Variants in EP400 observed in about 807,000 individuals in gnomAD.
EP400 encodes E1A-binding protein p400.
A neutral mutation model predicts 354.1 loss-of-function variants in EP400; 105 were observed. The ratio of observed to expected loss-of-function variants is 0.30; its 90% CI spans 0.25 to 0.35. EP400 has a LOEUF of 0.35. Among genes scored for constraint, EP400 ranks in the 10% least tolerant of loss-of-function variants. The pLI is 1.00. For missense variants in EP400, 3,280 were observed against 4,121.0 expected (o/e 0.80, Z 5.59); for synonymous variants, 1,646 against 1,716.9 (o/e 0.96, Z 1.02).
intron 32 of EP400, among the ~76,000 whole-genome samples, chr12:132,039,945 C>T (rs947472984): frequency 5.3e-5 from 8 of 152,132 alleles, no homozygotes; most frequent in Non-Finnish European, 7.4e-5. Flanking sequence ...GTGGCTGAGG[C>T]GGGAGGATCA....
chr12:132,006,398 G>A, intron 14 of EP400, 96 bp downstream of exon 14: 1 of 1,397,492 alleles, frequency 7.2e-7, no homozygotes, highest in Non-Finnish European at 9.6e-7. Context: ...CAGTGAAATG[G>A]TCTATCCCAA....
chr12:132,023,449 C>T (rs555202100), intron 23 of EP400, among the ~76,000 whole-genome samples: 2 of 151,896 alleles, frequency 1.3e-5, no homozygotes, highest in East Asian at 3.9e-4. Flanking sequence ...TGCCACTGCA[C>T]CCAGCTGATT....
Position 131,961,855 on chromosome 12 carries a change from C to A in EP400, c.1236C>A (p.Ala412=), listed in dbSNP as rs997441186. The A allele has an allele frequency of 6.2e-7, 1 of 1,613,842 alleles. No homozygotes were observed. The highest frequency in any genetic ancestry group is 1.3e-5 in the African/African-American group (1 of 74,820). The change falls in exon 2 of 53, where the codon GCC becomes GCA. Residue 412 remains alanine, a synonymous_variant. Coordinates refer to ENST00000389561, the MANE Select transcript of EP400 (RefSeq NM_015409.5). The stretch of plus-strand genomic sequence containing the variant: ...TAGCTTTCAAGAAGAAACATTATGC[C>A]CCATTACAAGCATATCTTAGGCAGA... ...DFLAFKKKHY[A]PLQAYLRQND... is the part of the protein sequence containing the mutation.
At chr12:132,071,741 A>G (rs1480393004) in intron 51 of EP400, among the ~76,000 whole-genome samples, 1 of 151,810 alleles carries the variant, frequency 6.6e-6, no homozygotes. Context: ...TGGCCTGTGC[A>G]CCCCTCTGCA....
chr12:132,028,349 C>G (rs914594651), intron 27 of EP400, 61 bp downstream of exon 27: 1 of 1,580,040 alleles, frequency 6.3e-7, no homozygotes, highest in African/African-American at 1.3e-5. Flanking sequence ...CGGCAAGACC[C>G]CTTCTTGTCT....
rs1896031391 is a variant in EP400 at position 132,070,359 on chromosome 12, A to G, written c.9021+718A>G. Among the ~76,000 whole-genome samples, 1 of 152,192 alleles carries G rather than the reference A, an allele frequency of 6.6e-6. No individual in the cohort carries two copies. Among genetic ancestry groups the G allele is most frequent in the Non-Finnish European group, 1.5e-5 (1 of 68,036 alleles). The stretch of plus-strand genomic sequence containing the variant: ...CCCTATTTTCAGCCCCATTTATTTA[A>G]AAGCCCAATTCTGTCATCCATCGAT... On this transcript the variant is annotated intron_variant, in intron 51 of 52. Coordinates refer to ENST00000389561, the MANE Select transcript of EP400 (RefSeq NM_015409.5). The surrounding 1 kb of genome is among the most constrained non-coding windows in gnomAD (Gnocchi z 4.1).
In EP400 at chr12:132,075,364, T is replaced by A. The variant is rs1004181506; in HGVS notation, c.9022-1152T>A. ...AGCTTTTCTGCTCCGTGACTCGTGA[T>A]GCCCGCCTGTGCTTAGGTTTGGAGA... On this transcript the variant is annotated intron_variant, in intron 51 of 52. Coordinates refer to ENST00000389561, the MANE Select transcript of EP400 (RefSeq NM_015409.5). The surrounding 1 kb of genome is among the most constrained non-coding windows in gnomAD (Gnocchi z 4.5). Among the ~76,000 whole-genome samples the A allele has an allele frequency of 6.6e-6, 1 of 152,200 alleles. No individual in the cohort carries two copies. The highest frequency in any genetic ancestry group is 1.5e-5 in the Non-Finnish European group (1 of 68,038).
intron 51 of EP400, chr12:132,076,215 A>G: frequency 2.2e-6 from 1 of 454,034 alleles, no homozygotes; most frequent in South Asian, 2.0e-5. Flanking sequence ...CCTCAGTCTG[A>G]TTCTTTCATA....
rs1251784614 is a variant in EP400, at chr12:132,070,742, A to T, written c.9021+1101A>T. On this transcript the variant is annotated intron_variant, in intron 51 of 52. Transcript: ENST00000389561. This position sits in a 1 kb window ranked among gnomAD's most constrained non-coding sequence, Gnocchi z 4.1. Reference sequence around the variant, plus strand: ...ACTTAAGTCTTTTTTAATGCCTTTTAATGAAGTTTTCTAATATTTTGTGAA... The same window carrying T: ...ACTTAAGTCTTTTTTAATGCCTTTTTATGAAGTTTTCTAATATTTTGTGAA... 6.6e-6 allele frequency among the ~76,000 whole-genome samples: 1 copy of T among 152,176 alleles called. No homozygotes were observed. Among genetic ancestry groups the T allele is most frequent in the Non-Finnish European group, 1.5e-5 (1 of 68,016 alleles).
chr12:132,045,020 C>T (rs1895039634), intron 37 of EP400, 67 bp downstream of exon 37: 2 of 1,585,918 alleles, frequency 1.3e-6, no homozygotes, highest in Non-Finnish European at 8.6e-7. Context: ...GCATGTCAGC[C>T]ACTTTCTGCT....
chr12:131,977,690 C>G (rs1892531855), intron 2 of EP400, among the ~76,000 whole-genome samples: 1 of 152,150 alleles, frequency 6.6e-6, no homozygotes. Context: ...TTTCCTCCCT[C>G]TCTTTGTCCA....
rs1896025281 is a variant in EP400, at chr12:132,070,091, A to G, written c.9021+450A>G. ...GTCTTCCTCTCTGCCTAGAGCTTTT[A>G]TGTCCTGCTTCCTCCCAGAGCTTAT... On this transcript the variant is annotated intron_variant, in intron 51 of 52. Coordinates refer to ENST00000389561, the MANE Select transcript of EP400 (RefSeq NM_015409.5). The surrounding 1 kb of genome is among the most constrained non-coding windows in gnomAD (Gnocchi z 4.1). Among the ~76,000 whole-genome samples, 1 of 151,972 alleles carries G rather than the reference A, an allele frequency of 6.6e-6. No individual in the cohort carries two copies. Among genetic ancestry groups the G allele is most frequent in the Non-Finnish European group, 1.5e-5 (1 of 68,010 alleles).
In EP400 at chr12:132,017,609, A is replaced by G. The variant is rs535710223; in HGVS notation, c.3998A>G (p.Asn1333Ser). ...SILVRLQRIC[N>S]HPGLVEPRHP... The stretch of plus-strand genomic sequence containing the variant: ...CTTGTGCGGCTGCAGCGCATCTGCA[A>G]CCACCCTGGGCTCGTCGAGCCCCGG... The change falls in exon 20 of 53, where the codon AAC becomes AGC. Residue 1333 changes from asparagine (N) to serine (S), a missense_variant. Transcript: ENST00000389561. This position sits in a 1 kb window ranked among gnomAD's most constrained non-coding sequence, Gnocchi z 5.0. 1.2e-6 allele frequency: 2 copies of G among 1,613,698 alleles called. No individual in the cohort carries two copies. Among genetic ancestry groups the G allele is most frequent in the East Asian group, 4.5e-5 (2 of 44,850 alleles).
At chr12:132,034,073 T>C (rs1295880680) in intron 30 of EP400, among the ~76,000 whole-genome samples, 1 of 151,848 alleles carries the variant, frequency 6.6e-6, no homozygotes, top group Non-Finnish European at 1.5e-5. Context: ...TTTTGTAAAC[T>C]TTTTTTTTCT....
rs747752167 is a variant in EP400 at position 132,045,846 on chromosome 12, C to G, written c.7146C>G (p.Ser2382=). 1.1e-5 allele frequency: 18 copies of G among 1,614,228 alleles called. No individual in the cohort carries two copies. Among genetic ancestry groups the G allele is most frequent in the Non-Finnish European group, 1.5e-5 (18 of 1,180,034 alleles). Reference sequence around the variant, plus strand: ...CCTGTAGCCGAATCTACCGCTCTTCCAAACAGTGCCGGAATCGCTACGAGA... The same window carrying G: ...CCTGTAGCCGAATCTACCGCTCTTCGAAACAGTGCCGGAATCGCTACGAGA... ...VNSCSRIYRS[S]KQCRNRYENV... is the part of the protein sequence containing the mutation. Residue 2382 remains serine (S), a synonymous_variant, in exon 39 of 53, where the codon TCC becomes TCG. Coordinates refer to ENST00000389561, the MANE Select transcript of EP400 (RefSeq NM_015409.5).
At chr12:131,958,719 C>T (rs1891783440) in intron 1 of EP400, among the ~76,000 whole-genome samples, 1 of 152,114 alleles carries the variant, frequency 6.6e-6, no homozygotes, top group East Asian at 1.9e-4. Flanking sequence ...TGGGGTCTCA[C>T]TATGTTGCCT....
In EP400 at chr12:131,981,611, C is replaced by T. The variant is rs746850682; in HGVS notation, c.1543+15C>T. The T allele has an allele frequency of 5.7e-6, 9 of 1,582,550 alleles. No individual in the cohort carries two copies. In the Admixed American group the frequency reaches 1.3e-4, roughly 22 times the overall value. ...GACCGCACAAGGTAAGGCCCAGCAG[C>T]AGAGCCAGCTCCCCGCTCAGGAGCA... is the stretch of plus-strand genomic sequence containing the variant. On this transcript the variant is annotated intron_variant, in intron 4 of 52. Coordinates refer to ENST00000389561, the MANE Select transcript of EP400 (RefSeq NM_015409.5).
At chr12:132,062,444 T>C in intron 46 of EP400, 22 bp from the exon 47 acceptor site, 1 of 1,612,926 alleles carries the variant, frequency 6.2e-7, no homozygotes. Context: ...TGTCCAGACC[T>C]AATGAGCAAA....
chr12:131,993,831 G>A (rs1893120670), intron 11 of EP400, among the ~76,000 whole-genome samples: 1 of 152,212 alleles, frequency 6.6e-6, no homozygotes, highest in South Asian at 2.1e-4. Flanking sequence ...GGGTCCCATT[G>A]CATATGCGGT....
Sources: gnomAD v4.1 joint callset for allele counts (sites outside exome capture counted in the v4.1 genomes callset) on GRCh38, gnomAD v4.1.1 for gene constraint, Gnocchi (gnomAD v3.1) non-coding constraint, MANE v1.5 for transcripts, NCBI Gene and HGNC (gene_info 2026-07-23, HGNC 2026-07-21) for gene names.